SLC25A23: variants seen among roughly 807,000 people sequenced by gnomAD.
The protein encoded by SLC25A23 is mitochondrial adenyl nucleotide antiporter SLC25A23.
A neutral mutation model predicts 53.9 loss-of-function variants in SLC25A23; 32 were observed. The ratio of observed to expected loss-of-function variants is 0.59; its 90% CI spans 0.45 to 0.80. The LOEUF (loss-of-function observed/expected upper bound fraction) is 0.80. SLC25A23 is among the 30% of genes least tolerant of loss of function. The pLI, the probability that SLC25A23 is intolerant of heterozygous loss-of-function variation, is 0.00. For synonymous variants in SLC25A23, 275 were observed against 264.5 expected (o/e 1.04, Z -0.38); for missense variants, 575 against 651.4 (o/e 0.88, Z 1.28).
chr19:6,458,400 C>A, intron 1 of SLC25A23, 76 bp from the exon 2 acceptor site: 1 of 1,499,994 alleles, frequency 6.7e-7, no homozygotes. Flanking sequence ...TCACCTTATG[C>A]CTTAGGAACC....
intron 8 of SLC25A23, 68 bp from the exon 9 acceptor site, chr19:6,444,369 C>T (rs2092472813): frequency 1.3e-6 from 2 of 1,482,336 alleles, no homozygotes; most frequent in Admixed American, 4.1e-5. Flanking sequence ...CAAAGGCCTG[C>T]TGGCCGGTTC....
intron 8 of SLC25A23, among the ~76,000 whole-genome samples, chr19:6,446,440 C>T (rs1242158868): frequency 6.6e-6 from 1 of 152,216 alleles, no homozygotes; most frequent in Non-Finnish European, 1.5e-5. Context: ...CACCTTCATC[C>T]CTTCCCACTC....
At chr19:6,456,244 C>A in intron 4 of SLC25A23, 176 bp downstream of exon 4, 1 of 951,096 alleles carries the variant, frequency 1.1e-6, no homozygotes, top group Non-Finnish European at 1.5e-6. Context: ...CAAATGGGAC[C>A]CTTGAACCCT....
chr19:6,455,530 G>C (rs972307740), intron 4 of SLC25A23, among the ~76,000 whole-genome samples: 1 of 152,000 alleles, frequency 6.6e-6, no homozygotes, highest in Non-Finnish European at 1.5e-5. Context: ...CGTCTGGGGT[G>C]GGAGTCTCTG....
intron 9 of SLC25A23, among the ~76,000 whole-genome samples, chr19:6,443,152 T>C (rs2092448543): frequency 6.7e-6 from 1 of 149,472 alleles, no homozygotes; most frequent in Admixed American, 6.7e-5. Context: ...TTGGTCAGGC[T>C]AGTCTCGAAC....
intron 8 of SLC25A23, among the ~76,000 whole-genome samples, chr19:6,449,279 A>C (rs147618998): frequency 0.011 from 1,505 of 140,374 alleles, 28 homozygotes; most frequent in African/African-American, 0.038. Flanking sequence ...TTGAGACAGG[A>C]TCTTGCTCTG....
chr19:6,458,028 G>A (rs187803692), intron 2 of SLC25A23, among the ~76,000 whole-genome samples, 170 bp downstream of exon 2: 4 of 152,048 alleles, frequency 2.6e-5, no homozygotes, highest in East Asian at 1.9e-4. Context: ...GCTGGGCCTC[G>A]AACCACCTAG....
In SLC25A23 at chr19:6,454,749, A is replaced by C; in HGVS notation, c.484-32T>G. 6.2e-7 allele frequency: 1 copy of C among 1,610,560 alleles called. No homozygotes were observed. The highest frequency in any genetic ancestry group is 8.5e-7 in the Non-Finnish European group (1 of 1,178,162). On this transcript the variant is annotated intron_variant, in intron 4 of 9. Coordinates refer to ENST00000301454, the MANE Select transcript of SLC25A23 (RefSeq NM_024103.3). This position sits in a 1 kb window ranked among gnomAD's most constrained non-coding sequence, Gnocchi z 4.3. Reference sequence around the variant, plus strand: ...ATACAGGTGTTGGGGGTGTCATGCCATGGTGGGGACAGGGAGATGTGACTC... The same window carrying C: ...ATACAGGTGTTGGGGGTGTCATGCCCTGGTGGGGACAGGGAGATGTGACTC...
intron 7 of SLC25A23, among the ~76,000 whole-genome samples, chr19:6,453,526 C>A (rs1223345498): frequency 1.3e-5 from 2 of 152,218 alleles, no homozygotes; most frequent in African/African-American, 4.8e-5. Flanking sequence ...AGGCGCTAGA[C>A]ATCGCACCCA....
Position 6,441,697 on chromosome 19 carries a change from GAAGT to G in SLC25A23, c.*274_*277del, listed in dbSNP as rs2092422932. The G allele has an allele frequency of 1.0e-5, 5 of 479,046 alleles. No individual in the cohort carries two copies. Among genetic ancestry groups the G allele is most frequent in the Non-Finnish European group, 1.9e-5 (5 of 262,092 alleles). The allele number at this position is 479,046 out of a possible 1,614,324, so 29.7% of individuals were successfully genotyped here. A position where few individuals can be genotyped will look rare whatever the true frequency, so the allele number is the denominator to read the frequency against. ...GTTAGGGTAGCAGACTTGAGTTGCT[GAAGT>G]AAGGGATCCACAGTTATGGTTACAG... is the stretch of plus-strand genomic sequence containing the variant. On this transcript the variant is annotated 3_prime_UTR_variant, in exon 10 of 10. Transcript: ENST00000301454.
At chr19:6,448,532 G>T (rs913523584) in intron 8 of SLC25A23, among the ~76,000 whole-genome samples, 9 of 151,184 alleles carry the variant, frequency 6.0e-5, no homozygotes, top group African/African-American at 2.2e-4. Context: ...GGGCAGTGGC[G>T]CGATCTTGGC....
chr19:6,458,645 T>G (rs909580099), intron 1 of SLC25A23, among the ~76,000 whole-genome samples: 2 of 152,220 alleles, frequency 1.3e-5, no homozygotes, highest in African/African-American at 4.8e-5. Context: ...TCCTTCCAGC[T>G]GTCTCTTGTT....
intron 8 of SLC25A23, among the ~76,000 whole-genome samples, chr19:6,444,551 C>T (rs1383659220): frequency 6.6e-6 from 1 of 152,128 alleles, no homozygotes; most frequent in African/African-American, 2.4e-5. Context: ...CATATGTTAC[C>T]CAAGATGACA....
At chr19:6,453,412 G>T (rs1339817082) in intron 7 of SLC25A23, among the ~76,000 whole-genome samples, 1 of 151,804 alleles carries the variant, frequency 6.6e-6, no homozygotes, top group African/African-American at 2.4e-5. Context: ...GCTAATTTTT[G>T]TATTTTTAGT....
At chr19:6,449,595 T>C (rs2092557923) in intron 8 of SLC25A23, among the ~76,000 whole-genome samples, 1 of 152,020 alleles carries the variant, frequency 6.6e-6, no homozygotes, top group Admixed American at 6.6e-5. Flanking sequence ...TTTGTATTTT[T>C]AGTAGAGATG....
chr19:6,441,636 T>G lies in SLC25A23; in HGVS notation c.*339A>C. 1 of 311,124 alleles carries G rather than the reference T, an allele frequency of 3.2e-6. No homozygotes were observed. The highest frequency in any genetic ancestry group is 6.1e-6 in the Non-Finnish European group (1 of 162,640). The allele number at this position is 311,124 out of a possible 1,614,324, so 19.3% of individuals were successfully genotyped here. On this transcript the variant is annotated 3_prime_UTR_variant, in exon 10 of 10. Transcript: ENST00000301454. ...GATCCAGTGATTTGGGGGATGGGGATTAAGGGCTGGGGTGTGGATAATCTT... is the reference window on the plus strand; with the variant it reads ...GATCCAGTGATTTGGGGGATGGGGAGTAAGGGCTGGGGTGTGGATAATCTT...
chr19:6,447,907 G>A (rs981829940), intron 8 of SLC25A23, among the ~76,000 whole-genome samples: 2 of 152,162 alleles, frequency 1.3e-5, no homozygotes, highest in Admixed American at 6.5e-5. Flanking sequence ...CTGACCTCAA[G>A]TGATCTGCCT....
chr19:6,445,900 A>C (rs146433662), intron 8 of SLC25A23, among the ~76,000 whole-genome samples: 8 of 144,840 alleles, frequency 5.5e-5, no homozygotes, highest in East Asian at 3.9e-4. Flanking sequence ...AAAACAAACA[A>C]ACACACAAAC....
chr19:6,437,675 G>C (rs978114972), downstream of SLC25A23, among the ~76,000 whole-genome samples: 4 of 152,062 alleles, frequency 2.6e-5, no homozygotes, highest in Non-Finnish European at 4.4e-5. Context: ...TGGGCATGGT[G>C]GCGGGTGCCT....
Sources: gnomAD v4.1 joint callset for allele counts (sites outside exome capture counted in the v4.1 genomes callset) on GRCh38, gnomAD v4.1.1 for gene constraint, Gnocchi (gnomAD v3.1) non-coding constraint, MANE v1.5 for transcripts, NCBI Gene and HGNC (gene_info 2026-07-23, HGNC 2026-07-21) for gene names.